The following ANKRD18A variants were observed in gnomAD, a reference collection of about 807,000 sequenced individuals.
The protein encoded by ANKRD18A is ankyrin repeat domain-containing protein 18A.
Under a neutral mutation model 110.6 loss-of-function variants are expected in ANKRD18A, and 72 were observed. The ratio of observed to expected loss-of-function variants is 0.65; its 90% CI spans 0.54 to 0.79. The LOEUF is 0.79. Ranked by LOEUF, ANKRD18A falls within the 30% of genes least tolerant of loss-of-function variation. The probability of loss-of-function intolerance (pLI) is 0.00; values close to 1 mark genes in which losing one functional copy is unlikely to be tolerated. For synonymous variants in ANKRD18A, 305 were observed against 410.3 expected (o/e 0.74, Z 3.10); for missense variants, 934 against 1,163.3 (o/e 0.80, Z 2.87).
Position 38,593,761 on chromosome 9 carries a change from T to G in ANKRD18A, c.2003A>C (p.Gln668Pro). The G allele has an allele frequency of 6.5e-7, 1 of 1,527,876 alleles. No homozygotes were observed. The highest frequency in any genetic ancestry group is 8.8e-7 in the Non-Finnish European group (1 of 1,138,296). 94.6% of individuals were successfully genotyped at this position (1,527,876 alleles called of 1,614,324 possible). The change falls in exon 10 of 16, where the codon CAA (glutamine) becomes CCA (proline). Residue 668 changes from glutamine (Q) to proline (P), a missense_variant and splice_region_variant. Gln to Pro is a moderately conservative substitution (Grantham distance 76). Coordinates refer to ENST00000399703, the MANE Select transcript of ANKRD18A (RefSeq NM_147195.4). ...SKKKLFQVEI[Q>P]PEEKHEEFRK... ...CTACATGTTAAATTCCATACATACT[T>G]GAATTTCTACTTGAAATAATTTCTT...
At chr9:38,590,164 T>G (rs1054112593) in intron 10 of ANKRD18A, among the ~76,000 whole-genome samples, 1 of 151,978 alleles carries the variant, frequency 6.6e-6, no homozygotes, top group Non-Finnish European at 1.5e-5. Flanking sequence ...TCTTTCTTTC[T>G]TTTTCCTTCT....
intron 12 of ANKRD18A, among the ~76,000 whole-genome samples, chr9:38,584,051 C>A (rs144923676): frequency 2.6e-4 from 40 of 152,332 alleles, no homozygotes; most frequent in African/African-American, 8.9e-4. Flanking sequence ...AGGAGCCTGG[C>A]CTCTTCAGCT....
chr9:38,612,521 C>CTTT (rs767816627), intron 3 of ANKRD18A, among the ~76,000 whole-genome samples: 5 of 124,286 alleles, frequency 4.0e-5, no homozygotes, highest in African/African-American at 1.0e-4. Context: ...TTTTCTTTTT[C>CTTT]TTTTTTTTTT....
chr9:38,604,471 A>G (rs1825266660), intron 6 of ANKRD18A, among the ~76,000 whole-genome samples: 1 of 145,990 alleles, frequency 6.8e-6, no homozygotes, highest in South Asian at 2.3e-4. Context: ...TGAACAAGAC[A>G]CTGCCAACAG....
intron 8 of ANKRD18A, among the ~76,000 whole-genome samples, chr9:38,600,666 A>G (rs1825082046): frequency 6.6e-6 from 1 of 152,164 alleles, no homozygotes; most frequent in Admixed American, 6.5e-5. Flanking sequence ...ACTGAAGGCA[A>G]CCAGAAACCA....
chr9:38,603,175 TC>T lies in ANKRD18A; in HGVS notation c.845del (p.Arg282LysfsTer11). 6.4e-7 allele frequency: 1 copy of T among 1,551,172 alleles called. No homozygotes were observed. The highest frequency in any genetic ancestry group is 8.7e-7 in the Non-Finnish European group (1 of 1,146,634). The stretch of plus-strand genomic sequence containing the variant: ...GTGTCTTACCTTTTGCACGTTCTTT[TC>T]TTTTTTTCAAATTTGCAGGCTTCAT... The part of the protein sequence containing the change: ...AAMKPANLKK[R>X]KERAKAEHNL... On this transcript the variant is annotated frameshift_variant, in exon 7 of 16. Transcript: ENST00000399703. LOFTEE classifies it high-confidence loss of function.
intron 11 of ANKRD18A, among the ~76,000 whole-genome samples, chr9:38,587,500 T>C (rs1824437811): frequency 6.6e-6 from 1 of 152,196 alleles, no homozygotes; most frequent in Admixed American, 6.5e-5. Flanking sequence ...AGATGTATAC[T>C]TCATGTATAC....
intron 12 of ANKRD18A, among the ~76,000 whole-genome samples, chr9:38,580,647 C>T (rs1421250952): frequency 6.6e-6 from 1 of 150,832 alleles, no homozygotes; most frequent in Non-Finnish European, 1.5e-5. Context: ...AGTAAATATG[C>T]TAGTTAGCTT....
chr9:38,601,123 T>C lies in ANKRD18A; in HGVS notation c.936+8A>G. On this transcript the variant is annotated splice_region_variant and intron_variant, in intron 8 of 15. Transcript: ENST00000399703. ...AGTATTAAACCAGAAATTTAAATTG[T>C]TACATACCTGTGGCTGTTTATTTTC... 4 of 1,551,634 alleles carry C rather than the reference T, an allele frequency of 2.6e-6. No homozygotes were observed. The highest frequency in any genetic ancestry group is 3.5e-6 in the Non-Finnish European group (4 of 1,146,626).
chr9:38,611,791 C>T (rs543882450), intron 3 of ANKRD18A, among the ~76,000 whole-genome samples: 11 of 152,162 alleles, frequency 7.2e-5, no homozygotes, highest in African/African-American at 2.4e-4. Flanking sequence ...GTTGTTTTAC[C>T]GAAAGAACTG....
At chr9:38,579,448 A>C (rs1311252856) in intron 12 of ANKRD18A, among the ~76,000 whole-genome samples, 2 of 152,206 alleles carry the variant, frequency 1.3e-5, no homozygotes, top group East Asian at 3.8e-4. Flanking sequence ...GTACACAAGG[A>C]ACTCAAACAC....
chr9:38,574,385 T>G (rs755278379), intron 15 of ANKRD18A, among the ~76,000 whole-genome samples: 54 of 152,228 alleles, frequency 3.5e-4, no homozygotes, highest in Admixed American at 6.5e-5. Context: ...ATGCATCTTT[T>G]TGTTACAATG....
At chr9:38,573,002 C>A (rs922129742) in intron 15 of ANKRD18A, 8 of 842,414 alleles carry the variant, frequency 9.5e-6, no homozygotes, top group Non-Finnish European at 1.4e-5. Context: ...ACTAACCCAA[C>A]AATGAAAAGG....
Position 38,593,794 on chromosome 9 carries a change from G to T in ANKRD18A, c.1970C>A (p.Thr657Asn), listed in dbSNP as rs1382325195. ...HCHINLNETW[T>N]SKKKLFQVEI... is the part of the protein sequence containing the mutation. ...TACTTGAAATAATTTCTTCTTTGAA[G>T]TCCATGTCTCATTCAAATTAATATG... The change falls in exon 10 of 16, where the codon ACT becomes AAT. Residue 657 changes from threonine (T) to asparagine (N), a missense_variant. Around this residue, in one of 4 missense-constraint regions of ANKRD18A, gnomAD observed 630 missense variants for 797.5 expected, o/e 0.79. Transcript: ENST00000399703. 6.5e-7 allele frequency: 1 copy of T among 1,537,450 alleles called. No individual in the cohort carries two copies. The highest frequency in any genetic ancestry group is 2.1e-5 in the Admixed American group (1 of 48,556).
At chr9:38,570,323 C>T (rs1303656233), downstream of ANKRD18A, among the ~76,000 whole-genome samples, 2 of 152,140 alleles carry the variant, frequency 1.3e-5, no homozygotes. Flanking sequence ...ATGGATCAGT[C>T]CCCAGCTGAC....
chr9:38,586,838 A>C (rs532252375), intron 11 of ANKRD18A, among the ~76,000 whole-genome samples: 129 of 152,310 alleles, frequency 8.5e-4, no homozygotes, highest in Non-Finnish European at 1.6e-3. Context: ...TGCTGGGATT[A>C]CAGGCATGAG....
chr9:38,587,415 G>A (rs981516929), intron 11 of ANKRD18A, among the ~76,000 whole-genome samples: 1 of 151,950 alleles, frequency 6.6e-6, no homozygotes, highest in Non-Finnish European at 1.5e-5. Flanking sequence ...AAACATGAAT[G>A]CTCATTTTAC....
At chr9:38,569,654 CGTGT>C (rs3044925), downstream of ANKRD18A, among the ~76,000 whole-genome samples, 7 of 151,944 alleles carry the variant, frequency 4.6e-5, no homozygotes, top group African/African-American at 1.5e-4. Context: ...TTTGTGTATG[CGTGT>C]GTGTGTGTAC....
rs1443091872 is a variant in ANKRD18A at position 38,572,007 on chromosome 9, A to G, written c.*38T>C. On this transcript the variant is annotated 3_prime_UTR_variant, in exon 16 of 16. Coordinates refer to ENST00000399703, the MANE Select transcript of ANKRD18A (RefSeq NM_147195.4). ...ATCTCTTCATTAGATGTGGCTTACC[A>G]GTGGATTCTACAAAAGAAAGTAGAC... 19 of 1,584,418 alleles carry G rather than the reference A, an allele frequency of 1.2e-5. No individual in the cohort carries two copies. The highest frequency in any genetic ancestry group is 1.6e-5 in the Non-Finnish European group (19 of 1,171,354).
Sources: gnomAD v4.1 joint callset for allele counts (sites outside exome capture counted in the v4.1 genomes callset) on GRCh38, gnomAD v4.1.1 for gene constraint, gnomAD v4.1.1 regional missense constraint, MANE v1.5 for transcripts, NCBI Gene and HGNC (gene_info 2026-07-23, HGNC 2026-07-21) for gene names.